The following DDX52 variants were observed in gnomAD, a reference collection of about 807,000 sequenced individuals.
The protein encoded by DDX52 is DExD-box helicase 52, also known as probable ATP-dependent RNA helicase DDX52.
DDX52 carries 59 observed loss-of-function variants against 76.1 expected under a neutral mutation model. That is an observed-to-expected ratio of 0.78 (90% CI 0.63 to 0.96). DDX52 has a LOEUF of 0.96. Ranked by LOEUF, DDX52 falls within the 40% of genes least tolerant of loss-of-function variation. DDX52 has a pLI of 0.00. For synonymous variants in DDX52, 231 were observed against 244.1 expected (o/e 0.95, Z 0.50); for missense variants, 707 against 703.9 (o/e 1.00, Z -0.05).
At chr17:37,633,090 A>G (rs1031217974) in intron 3 of DDX52, among the ~76,000 whole-genome samples, 198 bp downstream of exon 3, 2 of 152,228 alleles carry the variant, frequency 1.3e-5, no homozygotes, top group African/African-American at 4.8e-5. Flanking sequence ...TCAGCAATTT[A>G]AACTTTAAAA....
In DDX52 at chr17:37,611,879, T is replaced by C. The variant is rs571143480; in HGVS notation, c.*2417A>G. The C allele has an allele frequency of 6.7e-6, 1 of 149,646 alleles. No homozygotes were observed. The highest frequency in any genetic ancestry group is 2.5e-5 in the African/African-American group (1 of 40,760). The allele number at this position is 149,646 out of a possible 1,614,324, so 9.3% of individuals were successfully genotyped here. ...GGGAGGCTGAGGTTTGAGGATCACT[T>C]GAGTCTAAGAGGTCAAGGCTGCAGT... On this transcript the variant is annotated 3_prime_UTR_variant, in exon 15 of 15. Coordinates refer to ENST00000617633, the MANE Select transcript of DDX52 (RefSeq NM_007010.5).
intron 14 of DDX52, among the ~76,000 whole-genome samples, chr17:37,616,043 A>C (rs1204904517): frequency 1.3e-5 from 2 of 152,228 alleles, no homozygotes; most frequent in Non-Finnish European, 2.9e-5. Context: ...AAGTATAATT[A>C]TTTAAAATAC....
chr17:37,633,402 T>C lies in DDX52; in HGVS notation c.303A>G (p.Glu101=). The change falls in exon 3 of 15, where the codon GAA becomes GAG. Residue 101 remains glutamate (E), a synonymous_variant. Coordinates refer to ENST00000617633, the MANE Select transcript of DDX52 (RefSeq NM_007010.5). ...KTMTSEIASQ[E]EGATIQWMSS... ...ACATCCACTGTATAGTAGCACCTTC[T>C]TCTTGGGAAGCAATTTCTAAAATAT... 1.3e-6 allele frequency: 2 copies of C among 1,567,412 alleles called. No individual in the cohort carries two copies. Among genetic ancestry groups the C allele is most frequent in the Non-Finnish European group, 1.7e-6 (2 of 1,163,176 alleles).
chr17:37,612,951 G>T lies in DDX52; in HGVS notation c.*1345C>A, dbSNP rs188087970. The T allele has an allele frequency of 3.3e-5, 5 of 152,164 alleles. No individual in the cohort carries two copies. The highest frequency in any genetic ancestry group is 1.3e-4 in the Admixed American group (2 of 15,280). 9.4% of individuals were successfully genotyped at this position (152,164 alleles called of 1,614,324 possible). On this transcript the variant is annotated 3_prime_UTR_variant, in exon 15 of 15. Transcript: ENST00000617633. ...GAACAAACAAAAAAATCATATTCTTGTAAGTATTTTTACACCCTGTACCAG... is the reference window on the plus strand; with the variant it reads ...GAACAAACAAAAAAATCATATTCTTTTAAGTATTTTTACACCCTGTACCAG...
intron 8 of DDX52, among the ~76,000 whole-genome samples, chr17:37,625,457 A>G (rs184597268): frequency 4.5e-4 from 69 of 152,326 alleles, no homozygotes; most frequent in Non-Finnish European, 8.4e-4. Context: ...AGGTAGCAGT[A>G]TCATAATTTC....
intron 5 of DDX52, 30 bp downstream of exon 5, chr17:37,630,000 C>T (rs1326344846): frequency 7.0e-6 from 11 of 1,582,338 alleles, no homozygotes; most frequent in Non-Finnish European, 8.5e-6. Context: ...AAAAACCAAT[C>T]GCATACTCTT....
chr17:37,640,327 C>G (rs1444816936), intron 2 of DDX52, among the ~76,000 whole-genome samples: 1 of 152,180 alleles, frequency 6.6e-6, no homozygotes, highest in Non-Finnish European at 1.5e-5. Flanking sequence ...AGGCAATGTA[C>G]TTCCTACTGA....
intron 2 of DDX52, among the ~76,000 whole-genome samples, chr17:37,636,114 T>C (rs965519973): frequency 6.6e-6 from 1 of 152,220 alleles, no homozygotes; most frequent in Non-Finnish European, 1.5e-5. Context: ...ATAAGTCCAA[T>C]ATATCAATTT....
intron 14 of DDX52, among the ~76,000 whole-genome samples, chr17:37,616,275 G>A (rs192196103): frequency 6.4e-4 from 97 of 152,256 alleles, no homozygotes; most frequent in Non-Finnish European, 1.2e-3. Context: ...TGACCAAAGT[G>A]GCCAAGCATA....
intron 5 of DDX52, 127 bp downstream of exon 5, chr17:37,629,903 G>T: frequency 7.7e-7 from 1 of 1,300,742 alleles, no homozygotes; most frequent in Non-Finnish European, 1.1e-6. Context: ...ACTGTGCTGT[G>T]TAGAGGATAC....
intron 2 of DDX52, chr17:37,639,488 A>G: frequency 2.0e-6 from 2 of 996,612 alleles, no homozygotes; most frequent in South Asian, 4.0e-5. Flanking sequence ...CTGTAATCCC[A>G]GCACTTTGGG....
At position 37,613,952 on chromosome 17, in the gene DDX52, T is replaced by C; in HGVS notation, c.*344A>G. On this transcript the variant is annotated 3_prime_UTR_variant, in exon 15 of 15. Transcript: ENST00000617633. ...GAAATGTCAATGAATGTTATTTCCATTGTATAATCATTTAAAAGTCACCTA... is the reference window on the plus strand; with the variant it reads ...GAAATGTCAATGAATGTTATTTCCACTGTATAATCATTTAAAAGTCACCTA... 5.0e-6 allele frequency: 1 copy of C among 199,386 alleles called. No individual in the cohort carries two copies. Among genetic ancestry groups the C allele is most frequent in the Non-Finnish European group, 1.0e-5 (1 of 99,414 alleles). 12.4% of individuals were successfully genotyped at this position (199,386 alleles called of 1,614,324 possible). A position where few individuals can be genotyped will look rare whatever the true frequency, so the allele number is the denominator to read the frequency against.
intron 9 of DDX52, among the ~76,000 whole-genome samples, chr17:37,623,766 A>C (rs1293240537): frequency 1.3e-5 from 2 of 152,206 alleles, no homozygotes; most frequent in Non-Finnish European, 2.9e-5. Context: ...TTAGCCCTTT[A>C]TGACACTTTA....
intron 2 of DDX52, among the ~76,000 whole-genome samples, chr17:37,641,223 A>C (rs2031182713): frequency 6.6e-6 from 1 of 151,882 alleles, no homozygotes; most frequent in Non-Finnish European, 1.5e-5. Context: ...TAACACGATG[A>C]AACCTGGTCT....
chr17:37,619,564 T>C (rs899800582), intron 13 of DDX52, among the ~76,000 whole-genome samples: 1 of 151,910 alleles, frequency 6.6e-6, no homozygotes, highest in African/African-American at 2.4e-5. Context: ...AAAAATATTA[T>C]AGCCAGGCAT....
chr17:37,629,818 A>G (rs967623314), intron 5 of DDX52, among the ~76,000 whole-genome samples: 6 of 152,228 alleles, frequency 3.9e-5, no homozygotes, highest in African/African-American at 9.6e-5. Context: ...AGAAGTGTAA[A>G]TATTAAAATC....
chr17:37,627,266 A>G (rs961188484), intron 6 of DDX52, among the ~76,000 whole-genome samples: 2 of 152,088 alleles, frequency 1.3e-5, no homozygotes, highest in Non-Finnish European at 2.9e-5. Context: ...GCAGTGGCAC[A>G]ACCTCGGCTC....
Position 37,610,125 on chromosome 17 carries a change from T to TG in DDX52, c.*4170dup, listed in dbSNP as rs1314978081. 2 of 131,036 alleles carry TG rather than the reference T, an allele frequency of 1.5e-5. No homozygotes were observed. The highest frequency in any genetic ancestry group is 5.9e-5 in the African/African-American group (2 of 34,160). 8.1% of individuals were successfully genotyped at this position (131,036 alleles called of 1,614,324 possible). On this transcript the variant is annotated 3_prime_UTR_variant, in exon 15 of 15. Transcript: ENST00000617633. ...GAAGCTATTTCGGCATATTTTTTACTGATTTTTTTTTTTTTTGAGACAGGG... is the reference window on the plus strand; with the variant it reads ...GAAGCTATTTCGGCATATTTTTTACTGGATTTTTTTTTTTTTTGAGACAGGG...
At chr17:37,630,619 A>C (rs2030631708) in intron 4 of DDX52, among the ~76,000 whole-genome samples, 1 of 151,750 alleles carries the variant, frequency 6.6e-6, no homozygotes, top group Admixed American at 6.6e-5. Flanking sequence ...TACAGGAGAC[A>C]ATTTTCAAAA....
Sources: gnomAD v4.1 joint callset for allele counts (sites outside exome capture counted in the v4.1 genomes callset) on GRCh38, gnomAD v4.1.1 for gene constraint, MANE v1.5 for transcripts, NCBI Gene and HGNC (gene_info 2026-07-23, HGNC 2026-07-21) for gene names.